Variants in GRID2 observed in about 807,000 individuals in gnomAD.
GRID2 encodes glutamate ionotropic receptor delta type subunit 2, also known as glutamate receptor ionotropic, delta-2.
In GRID2, 33 loss-of-function variants were observed where a neutral mutation model predicts 114.8. The ratio of observed to expected loss-of-function variants is 0.29; its 90% confidence interval spans 0.22 to 0.38. The LOEUF (loss-of-function observed/expected upper bound fraction) is 0.38. Ranked by LOEUF, GRID2 falls within the 10% of genes least tolerant of loss-of-function variation. The pLI, the probability that GRID2 is intolerant of heterozygous loss-of-function variation, is 1.00. For synonymous variants in GRID2, 505 were observed against 449.9 expected (o/e 1.12, Z -1.55); for missense variants, 1,184 against 1,257.7 (o/e 0.94, Z 0.89).
At chr4:93,558,639 C>T (rs930424342) in intron 13 of GRID2, among the ~76,000 whole-genome samples, 11 of 152,116 alleles carry the variant, frequency 7.2e-5, no homozygotes, top group Admixed American at 4.6e-4. Flanking sequence ...GACTCATAGC[C>T]GAATTCTACC....
intron 1 of GRID2, among the ~76,000 whole-genome samples, chr4:92,476,398 A>G (rs1461279370): frequency 6.6e-6 from 1 of 152,182 alleles, no homozygotes; most frequent in Non-Finnish European, 1.5e-5. Context: ...TTATTTAAAC[A>G]CGACAACAAT....
At chr4:93,597,178 ATAAC>A (rs1739191254) in intron 13 of GRID2, among the ~76,000 whole-genome samples, 1 of 152,258 alleles carries the variant, frequency 6.6e-6, no homozygotes, top group South Asian at 2.1e-4. Context: ...TAAACAAACA[ATAAC>A]AACAAACAAT....
At chr4:93,413,354 T>C (rs1397945429) in intron 9 of GRID2, among the ~76,000 whole-genome samples, 1 of 152,206 alleles carries the variant, frequency 6.6e-6, no homozygotes, top group Non-Finnish European at 1.5e-5. Flanking sequence ...TCAGTGAATG[T>C]TGAGCTTCTT....
chr4:93,042,902 G>A (rs1211151527), intron 2 of GRID2, among the ~76,000 whole-genome samples: 3 of 151,464 alleles, frequency 2.0e-5, no homozygotes, highest in Non-Finnish European at 4.4e-5. Context: ...AGGCAACAAA[G>A]AGACCAGTAT....
At chr4:93,465,751 T>C (rs1222637230) in intron 11 of GRID2, among the ~76,000 whole-genome samples, 1 of 152,188 alleles carries the variant, frequency 6.6e-6, no homozygotes, top group Non-Finnish European at 1.5e-5. Flanking sequence ...AAAAGCATAG[T>C]GTAATCAAGC....
intron 2 of GRID2, among the ~76,000 whole-genome samples, chr4:92,895,718 C>T (rs1178811466): frequency 6.6e-6 from 1 of 151,864 alleles, no homozygotes; most frequent in Non-Finnish European, 1.5e-5. Context: ...AACTACTGTG[C>T]CAGACATTAT....
intron 14 of GRID2, among the ~76,000 whole-genome samples, chr4:93,677,561 C>T (rs776112464): frequency 6.6e-5 from 10 of 151,998 alleles, no homozygotes; most frequent in Middle Eastern, 3.2e-3. Flanking sequence ...CTCGCACGGC[C>T]GGGCACTCCT....
intron 1 of GRID2, among the ~76,000 whole-genome samples, chr4:92,524,379 A>G (rs2149142823): frequency 7.1e-6 from 1 of 141,830 alleles, no homozygotes; most frequent in East Asian, 2.1e-4. Flanking sequence ...GCAGGCCTAT[A>G]TATCTTTCTG....
chr4:92,996,300 A>T (rs973971910), intron 2 of GRID2, among the ~76,000 whole-genome samples: 4 of 151,496 alleles, frequency 2.6e-5, no homozygotes, highest in African/African-American at 7.2e-5. Context: ...TTTCTAAAAA[A>T]AAAAATAAAA....
intron 2 of GRID2, among the ~76,000 whole-genome samples, chr4:92,810,959 T>A (rs1000862628): frequency 6.6e-6 from 1 of 152,038 alleles, no homozygotes; most frequent in East Asian, 1.9e-4. Flanking sequence ...ATTTTTGTAC[T>A]TTTAGTAGAG....
chr4:93,063,403 A>C (rs553082454), intron 2 of GRID2, among the ~76,000 whole-genome samples: 3 of 151,982 alleles, frequency 2.0e-5, no homozygotes, highest in Admixed American at 2.0e-4. Flanking sequence ...TTTTACAATA[A>C]ACTTTAGGAG....
At chr4:93,408,967 A>G (rs1766824853) in intron 9 of GRID2, among the ~76,000 whole-genome samples, 1 of 152,294 alleles carries the variant, frequency 6.6e-6, no homozygotes, top group Admixed American at 6.5e-5. Flanking sequence ...AAAACCTTAG[A>G]TCAGCCAGGC....
At chr4:93,793,600 T>C (rs1459565780) in intron 1 of GRID2, among the ~76,000 whole-genome samples, 3 of 152,188 alleles carry the variant, frequency 2.0e-5, no homozygotes, top group Non-Finnish European at 2.9e-5. Context: ...ATTTCTATTA[T>C]CCTAGTTCTA....
chr4:93,237,658 A>C (rs890907066), intron 7 of GRID2, among the ~76,000 whole-genome samples: 2 of 151,854 alleles, frequency 1.3e-5, no homozygotes, highest in African/African-American at 4.8e-5. Context: ...TGATAAACTA[A>C]ACTGAGAAAA....
At chr4:93,674,019 C>T (rs561465016) in intron 14 of GRID2, among the ~76,000 whole-genome samples, 4 of 151,606 alleles carry the variant, frequency 2.6e-5, no homozygotes, top group African/African-American at 9.7e-5. Flanking sequence ...ATCTTCTTTT[C>T]TTGACCCCCA....
chr4:92,578,050 CTT>C (rs1435101895), intron 1 of GRID2, among the ~76,000 whole-genome samples: 9 of 28,760 alleles, frequency 3.1e-4, no homozygotes, highest in Middle Eastern at 0.017. Context: ...GTTTCTTCTT[CTT>C]CTTCTTCTTC....
At chr4:92,608,098 G>A (rs1386534072) in intron 2 of GRID2, among the ~76,000 whole-genome samples, 6 of 151,724 alleles carry the variant, frequency 4.0e-5, no homozygotes, top group East Asian at 1.9e-4. Flanking sequence ...AAATCCTTGC[G>A]ACTGATAGAA....
chr4:93,457,992 G>A (rs755665203), intron 11 of GRID2, among the ~76,000 whole-genome samples: 4 of 152,150 alleles, frequency 2.6e-5, no homozygotes, highest in Admixed American at 6.5e-5. Flanking sequence ...ATATTGGAAT[G>A]TAGGAAATTT....
intron 13 of GRID2, among the ~76,000 whole-genome samples, chr4:93,546,198 G>A (rs778750582): frequency 2.6e-5 from 4 of 152,166 alleles, no homozygotes; most frequent in African/African-American, 7.2e-5. Flanking sequence ...AAAGAAATAG[G>A]TTTGGAGGAG....
Sources: allele counts gnomAD v4.1 joint callset (sites outside exome capture counted in the v4.1 genomes callset), GRCh38; gene constraint gnomAD v4.1.1; transcripts MANE v1.5; gene names NCBI Gene and HGNC (gene_info 2026-07-23, HGNC 2026-07-21).